Variants in CDKL4 observed in about 807,000 individuals in gnomAD.
CDKL4 encodes the protein cyclin-dependent kinase-like 4.
In CDKL4, 44 loss-of-function variants were observed where a neutral mutation model predicts 42.0. The ratio of observed to expected loss-of-function variants is 1.05; its 90% CI spans 0.82 to 1.35. The LOEUF (loss-of-function observed/expected upper bound fraction) is 1.35. Ranked by LOEUF, CDKL4 falls within the 40% of genes most tolerant of loss-of-function variation. The pLI is 0.00. For synonymous variants in CDKL4, 120 were observed against 121.6 expected (o/e 0.99, Z 0.09); for missense variants, 393 against 369.9 (o/e 1.06, Z -0.51).
rs111998533 is a variant in CDKL4, at chr2:39,222,213, A to G, written c.290+3626T>C. 4.2e-3 allele frequency among the ~76,000 whole-genome samples: 637 copies of G among 152,310 alleles called. 4 individuals carry two copies. The highest frequency in any genetic ancestry group is 5.1e-3 in the Non-Finnish European group (350 of 68,016). ...ACAACAGGGATGAAAATAAAATTCA[A>G]TGGGGATTCAAAGGAAGGAAGAAAT... is the stretch of plus-strand genomic sequence containing the variant. On this transcript the variant is annotated intron_variant, in intron 3 of 9. Transcript: ENST00000451199.
upstream of CDKL4, among the ~76,000 whole-genome samples, chr2:39,246,843 A>G (rs1241135034): frequency 2.6e-5 from 4 of 152,110 alleles, no homozygotes; most frequent in East Asian, 7.7e-4. Context: ...TCTTGGGCTC[A>G]AGTGATTCTC....
At chr2:39,246,363 A>T (rs1021522597), upstream of CDKL4, among the ~76,000 whole-genome samples, 1 of 152,234 alleles carries the variant, frequency 6.6e-6, no homozygotes, top group Non-Finnish European at 1.5e-5. Flanking sequence ...ACCATCTATC[A>T]TGCTATAGAA....
At position 39,213,448 on chromosome 2, in the gene CDKL4, G is replaced by T. The variant is rs140286102; in HGVS notation, c.315C>A (p.Ser105Arg). The change falls in exon 4 of 10, where the codon AGC becomes AGA. Residue 105 changes from serine (S) to arginine (R), a missense_variant. Ser to Arg is a moderately radical substitution (Grantham distance 110, BLOSUM62 -1). Transcript: ENST00000451199. Reference sequence around the variant, plus strand: ...GAGCTTGAAGTGTTTGCCATAATACGCTTTTGATCACTCCATCAGCAACTC... The same window carrying T: ...GAGCTTGAAGTGTTTGCCATAATACTCTTTTGATCACTCCATCAGCAACTC... The T allele has an allele frequency of 1.9e-6, 3 of 1,610,578 alleles. No homozygotes were observed. In the African/African-American group the frequency reaches 4.0e-5, roughly 22 times the overall value.
At chr2:39,191,701 G>C (rs968592606) in intron 5 of CDKL4, among the ~76,000 whole-genome samples, 1 of 152,198 alleles carries the variant, frequency 6.6e-6, no homozygotes, top group Non-Finnish European at 1.5e-5. Context: ...GTGATAGACA[G>C]ATGACAGAGA....
chr2:39,171,756 C>G (rs1179111733), downstream of CDKL4, among the ~76,000 whole-genome samples: 2 of 152,160 alleles, frequency 1.3e-5, no homozygotes, highest in Non-Finnish European at 2.9e-5. Context: ...TGTGGAAAGT[C>G]TGAGGAAACC....
intron 6 of CDKL4, 43 bp from the exon 7 acceptor site, chr2:39,187,752 G>T (rs1212242763): frequency 1.5e-6 from 2 of 1,378,170 alleles, no homozygotes; most frequent in South Asian, 1.2e-5. Flanking sequence ...ATTTGGCAAA[G>T]AATAATCAAG....
At chr2:39,194,050 G>A (rs930840828) in intron 5 of CDKL4, among the ~76,000 whole-genome samples, 1 of 152,056 alleles carries the variant, frequency 6.6e-6, no homozygotes, top group Non-Finnish European at 1.5e-5. Flanking sequence ...TTGGATTATG[G>A]GAGATTCCTA....
chr2:39,178,513 GCC>G (rs1477876933), intron 9 of CDKL4: 1 of 1,537,908 alleles, frequency 6.5e-7, no homozygotes, highest in Admixed American at 2.0e-5. Context: ...GTGAGAAAAA[GCC>G]CTGAACCAAA....
At chr2:39,230,001 G>A (rs907669812) in intron 1 of CDKL4, among the ~76,000 whole-genome samples, 2 of 152,240 alleles carry the variant, frequency 1.3e-5, no homozygotes, top group East Asian at 1.9e-4. Context: ...GAGGAGTTGT[G>A]TAAGAAGACA....
rs1286075565 is a variant in CDKL4 at position 39,185,127 on chromosome 2, C to CAT, written c.736-482_736-481dup. ...TTTTAAATATATATATATACACACA[C>CAT]ATATATATACATATATATGTGTATA... is the stretch of plus-strand genomic sequence containing the variant. On this transcript the variant is annotated intron_variant, in intron 7 of 9. Coordinates refer to ENST00000451199, the Ensembl canonical transcript of CDKL4. 5.2e-5 allele frequency among the ~76,000 whole-genome samples: 7 copies of CAT among 134,358 alleles called. 1 individual carries two copies. Among genetic ancestry groups the CAT allele is most frequent in the South Asian group, 2.3e-4 (1 of 4,440 alleles). 88.1% of individuals were successfully genotyped at this position (134,358 alleles called of 152,430 possible).
At chr2:39,168,756 T>G in the CDKL4 span, among the ~76,000 whole-genome samples, 144 of 151,426 alleles carry the variant, frequency 9.5e-4, no homozygotes, top group East Asian at 0.019. Flanking sequence ...TTTTTTGTTT[T>G]TTTGTTTGTT....
chr2:39,234,453 C>T (rs1679253190), intron 1 of CDKL4, among the ~76,000 whole-genome samples: 1 of 151,978 alleles, frequency 6.6e-6, no homozygotes, highest in Non-Finnish European at 1.5e-5. Flanking sequence ...AAAGTTTAGA[C>T]AGAAAGTTGA....
At chr2:39,173,659 A>C (rs986875105), downstream of CDKL4, among the ~76,000 whole-genome samples, 1 of 151,786 alleles carries the variant, frequency 6.6e-6, no homozygotes, top group South Asian at 2.1e-4. Context: ...AATACAAAAC[A>C]ATTAGTCGGG....
At chr2:39,174,438 G>C (rs1318589105), downstream of CDKL4, among the ~76,000 whole-genome samples, 2 of 150,680 alleles carry the variant, frequency 1.3e-5, no homozygotes, top group Non-Finnish European at 3.0e-5. Flanking sequence ...AAAAACTATT[G>C]CTTAGATGTC....
At chr2:39,230,197 T>G (rs1037614647) in intron 1 of CDKL4, among the ~76,000 whole-genome samples, 27 of 152,336 alleles carry the variant, frequency 1.8e-4, no homozygotes, top group African/African-American at 6.3e-4. Context: ...CTAACCAATA[T>G]GGAGAAATCC....
intron 9 of CDKL4, 99 bp downstream of exon 9, chr2:39,179,088 A>T: frequency 6.5e-7 from 1 of 1,527,362 alleles, no homozygotes; most frequent in Non-Finnish European, 8.7e-7. Flanking sequence ...AGTACAAATG[A>T]AAGGTCTTGG....
chr2:39,175,313 C>T (rs1168752067), downstream of CDKL4, among the ~76,000 whole-genome samples: 3 of 152,132 alleles, frequency 2.0e-5, no homozygotes, highest in Admixed American at 6.6e-5. Context: ...GTCAATTATC[C>T]GAGGGCGTTA....
In CDKL4 at chr2:39,203,645, G is replaced by A. The variant is rs549804040; in HGVS notation, c.454+882C>T. 5.2e-4 allele frequency among the ~76,000 whole-genome samples: 79 copies of A among 151,932 alleles called. 1 individual carries two copies. Among genetic ancestry groups the A allele is most frequent in the African/African-American group, 1.7e-3 (72 of 41,402 alleles). On this transcript the variant is annotated intron_variant, in intron 5 of 9. Transcript: ENST00000451199. ...TCTTACCATGTCTTAAACATTTTCC[G>A]ATGCCACTGAAACTCTGCAAACATC... is the stretch of plus-strand genomic sequence containing the variant.
intron 3 of CDKL4, among the ~76,000 whole-genome samples, chr2:39,217,803 C>T (rs369266075): frequency 1.3e-4 from 19 of 151,776 alleles, no homozygotes; most frequent in African/African-American, 2.7e-4. Context: ...GCATAATCTC[C>T]GCTCGCCGCA....
Sources: allele counts gnomAD v4.1 joint callset (sites outside exome capture counted in the v4.1 genomes callset), GRCh38; gene constraint gnomAD v4.1.1; transcripts MANE v1.5; gene names NCBI Gene and HGNC (gene_info 2026-07-23, HGNC 2026-07-21).